PDZRN3: variants seen among roughly 807,000 people sequenced by gnomAD.
PDZRN3 encodes the protein PDZ domain containing ring finger 3, also known as E3 ubiquitin-protein ligase PDZRN3.
PDZRN3 carries 38 observed loss-of-function variants against 85.7 expected under a neutral mutation model. The ratio of observed to expected loss-of-function variants is 0.44; its 90% CI spans 0.34 to 0.58. The LOEUF is 0.58. PDZRN3 is among the 20% of genes least tolerant of loss of function. The probability of loss-of-function intolerance (pLI) is 0.01; values close to 1 mark genes in which losing one functional copy is unlikely to be tolerated. For synonymous variants in PDZRN3, 759 were observed against 638.0 expected (o/e 1.19, Z -2.86); for missense variants, 1,629 against 1,506.4 (o/e 1.08, Z -1.35).
intron 3 of PDZRN3, among the ~76,000 whole-genome samples, chr3:73,494,795 A>C (rs1703836143): frequency 1.3e-5 from 2 of 152,230 alleles, no homozygotes. Context: ...GAGCACACAT[A>C]ATTTTTTAGA....
At chr3:73,412,425 T>C (rs1000132223) in intron 3 of PDZRN3, among the ~76,000 whole-genome samples, 3 of 152,240 alleles carry the variant, frequency 2.0e-5, no homozygotes, top group East Asian at 3.8e-4. Flanking sequence ...ATCAATGGAA[T>C]TGTTATCACA....
chr3:73,498,329 T>C (rs1188916531), intron 3 of PDZRN3, among the ~76,000 whole-genome samples: 1 of 152,090 alleles, frequency 6.6e-6, no homozygotes, highest in Non-Finnish European at 1.5e-5. Flanking sequence ...AGACATTCAG[T>C]GGTTAGTGTT....
chr3:73,399,774 G>A (rs543938842), intron 5 of PDZRN3, among the ~76,000 whole-genome samples: 1 of 152,302 alleles, frequency 6.6e-6, no homozygotes, highest in South Asian at 2.1e-4. Flanking sequence ...TAGACCAGGT[G>A]CATTTAGGGA....
chr3:73,594,788 AAG>A (rs1356269726), intron 3 of PDZRN3, among the ~76,000 whole-genome samples: 2 of 152,184 alleles, frequency 1.3e-5, no homozygotes, highest in East Asian at 1.9e-4. Flanking sequence ...ATCGGGAAAT[AAG>A]AGAGGGGAAA....
chr3:73,481,090 C>A (rs1703551727), intron 3 of PDZRN3, among the ~76,000 whole-genome samples: 1 of 152,184 alleles, frequency 6.6e-6, no homozygotes, highest in Admixed American at 6.5e-5. Context: ...GTGGCCCCAG[C>A]CTGTACTGAT....
chr3:73,457,658 G>T (rs747832956), intron 3 of PDZRN3, among the ~76,000 whole-genome samples: 4 of 152,086 alleles, frequency 2.6e-5, no homozygotes, highest in Admixed American at 2.6e-4. Context: ...GAATGTATGT[G>T]TCTCTCCAAA....
At chr3:73,622,297 G>A (rs138292997) in intron 1 of PDZRN3, among the ~76,000 whole-genome samples, 8 of 152,220 alleles carry the variant, frequency 5.3e-5, no homozygotes, top group Admixed American at 3.9e-4. Flanking sequence ...GGGCCAGGTC[G>A]GAAAACTTGC....
At chr3:73,447,088 G>GAT (rs1249830925) in intron 3 of PDZRN3, among the ~76,000 whole-genome samples, 1 of 142,914 alleles carries the variant, frequency 7.0e-6, no homozygotes, top group Non-Finnish European at 1.5e-5. Context: ...ATATATATTA[G>GAT]ATATATATAT....
chr3:73,510,494 G>A (rs1377714601), intron 3 of PDZRN3, among the ~76,000 whole-genome samples: 3 of 152,228 alleles, frequency 2.0e-5, no homozygotes, highest in African/African-American at 7.2e-5. Flanking sequence ...TGTGCTCTAT[G>A]CCAGTGAAGA....
At chr3:73,519,251 A>G (rs1172155632) in intron 3 of PDZRN3, among the ~76,000 whole-genome samples, 3 of 152,214 alleles carry the variant, frequency 2.0e-5, no homozygotes, top group African/African-American at 7.2e-5. Context: ...TATACACGCC[A>G]GCGTAAAGAG....
chr3:73,582,181 T>A (rs1003396296), intron 3 of PDZRN3, among the ~76,000 whole-genome samples: 3 of 152,154 alleles, frequency 2.0e-5, no homozygotes, highest in African/African-American at 7.2e-5. Context: ...TACGGAAGGC[T>A]TTGTGCTGGG....
rs1457296447 is a variant in PDZRN3, at chr3:73,540,407, T to TA, written c.918+61946dup. 2.6e-5 allele frequency among the ~76,000 whole-genome samples: 4 copies of TA among 152,254 alleles called. No individual in the cohort carries two copies. In the East Asian group the frequency reaches 7.7e-4, roughly 29 times the overall value. On this transcript the variant is annotated intron_variant, in intron 3 of 9. Transcript: ENST00000263666. ...AGGGAACTACCCTCTATATTGGACA[T>TA]ATGTAGTATTTTATAAAATGACTGT...
At chr3:73,544,864 T>C (rs74432228) in intron 3 of PDZRN3, among the ~76,000 whole-genome samples, 2,037 of 152,298 alleles carry the variant, frequency 0.013, 46 homozygotes, top group African/African-American at 0.044. Context: ...GACACATTTC[T>C]TCACAGATTT....
chr3:73,617,145 C>T (rs1702775506), intron 1 of PDZRN3, among the ~76,000 whole-genome samples: 1 of 152,190 alleles, frequency 6.6e-6, no homozygotes. Context: ...TCTGCACACA[C>T]ACTGCTGATG....
chr3:73,383,744 C>T lies in PDZRN3; in HGVS notation c.2822G>A (p.Arg941His). 6.2e-7 allele frequency: 1 copy of T among 1,612,166 alleles called. No individual in the cohort carries two copies. The highest frequency in any genetic ancestry group is 2.2e-5 in the East Asian group (1 of 44,872). Residue 941 changes from arginine to histidine, a missense_variant, in exon 10 of 10, where the codon CGC becomes CAC. Physicochemically the swap from Arg to His is conservative, Grantham distance 29. Coordinates refer to ENST00000263666, the MANE Select transcript of PDZRN3 (RefSeq NM_015009.3). ...RYITKRPVRDRLLRERALKIR... is the reference protein window; with the variant it reads ...RYITKRPVRDHLLRERALKIR... ...CTTCAGGGCGCGCTCCCGCAGCAGG[C>T]GGTCCCGCACGGGCCTCTTGGTGAT... is the stretch of plus-strand genomic sequence containing the variant.
Position 73,505,565 on chromosome 3 carries a change from G to A in PDZRN3, c.918+96789C>T, listed in dbSNP as rs1704055278. Among the ~76,000 whole-genome samples, 3 of 152,240 alleles carry A rather than the reference G, an allele frequency of 2.0e-5. No individual in the cohort carries two copies. In the East Asian group the frequency reaches 5.8e-4, roughly 29 times the overall value. ...GGATTTTTCAAATTGTCTACCTTGT[G>A]GATGATATTCTATTGAATTTGTCAA... On this transcript the variant is annotated intron_variant, in intron 3 of 9. Transcript: ENST00000263666.
chr3:73,592,214 T>C (rs148219491), intron 3 of PDZRN3, among the ~76,000 whole-genome samples: 1 of 152,352 alleles, frequency 6.6e-6, no homozygotes, highest in East Asian at 1.9e-4. Flanking sequence ...TATGTCCATT[T>C]CCTAGCAACA....
intron 3 of PDZRN3, among the ~76,000 whole-genome samples, chr3:73,543,289 G>C (rs1184180790): frequency 1.3e-5 from 2 of 152,204 alleles, no homozygotes; most frequent in African/African-American, 2.4e-5. Flanking sequence ...TTTCCCAAGA[G>C]CACAGCAGAA....
intron 3 of PDZRN3, among the ~76,000 whole-genome samples, chr3:73,446,960 TCAGA>T (rs1702759550): frequency 6.6e-6 from 1 of 150,948 alleles, no homozygotes; most frequent in African/African-American, 2.4e-5. Context: ...CTGGTGACAG[TCAGA>T]CAATGATATG....
Sources: allele counts gnomAD v4.1 joint callset (sites outside exome capture counted in the v4.1 genomes callset), GRCh38; gene constraint gnomAD v4.1.1; transcripts MANE v1.5; gene names NCBI Gene and HGNC (gene_info 2026-07-23, HGNC 2026-07-21).